Variants in SP140L observed in about 807,000 individuals in gnomAD.
SP140L encodes the protein SP140 like nuclear body protein, also known as nuclear body protein SP140-like protein.
Under a neutral mutation model 84.3 loss-of-function variants are expected in SP140L, and 64 were observed. The ratio of observed to expected loss-of-function variants is 0.76; its 90% CI spans 0.62 to 0.94. SP140L has a LOEUF of 0.94. Among genes scored for constraint, SP140L ranks in the 40% least tolerant of loss-of-function variants. The pLI is 0.00. For missense variants in SP140L, 628 were observed against 692.5 expected (o/e 0.91, Z 1.05); for synonymous variants, 242 against 236.9 (o/e 1.02, Z -0.20).
chr2:230,360,261 A>G (rs1286457123), intron 4 of SP140L, among the ~76,000 whole-genome samples: 1 of 152,218 alleles, frequency 6.6e-6, no homozygotes, highest in Admixed American at 6.5e-5. Flanking sequence ...CAGAGTGAGA[A>G]GCAGTATAGG....
At chr2:230,334,894 A>G (rs2149679575) in intron 2 of SP140L, among the ~76,000 whole-genome samples, 1 of 152,206 alleles carries the variant, frequency 6.6e-6, no homozygotes, top group South Asian at 2.1e-4. Context: ...TTTAGTTCTC[A>G]TGCTGACCTT....
chr2:230,341,807 G>A (rs1298741360), intron 2 of SP140L, among the ~76,000 whole-genome samples: 1 of 152,102 alleles, frequency 6.6e-6, no homozygotes, highest in Non-Finnish European at 1.5e-5. Flanking sequence ...GCTGTTCGGG[G>A]GTCAGGGGTC....
chr2:230,329,946 G>C (rs982610631), intron 2 of SP140L, among the ~76,000 whole-genome samples: 1 of 151,988 alleles, frequency 6.6e-6, no homozygotes. Context: ...TTCATTTCTC[G>C]TTCAATCTTC....
At chr2:230,376,738 A>G (rs2061250537) in intron 7 of SP140L, among the ~76,000 whole-genome samples, 1 of 152,208 alleles carries the variant, frequency 6.6e-6, no homozygotes, top group Non-Finnish European at 1.5e-5. Flanking sequence ...AAATTTGTAT[A>G]GAACCATAAA....
intron 2 of SP140L, among the ~76,000 whole-genome samples, chr2:230,348,419 C>T (rs1314086305): frequency 1.3e-5 from 2 of 152,156 alleles, no homozygotes; most frequent in Non-Finnish European, 2.9e-5. Context: ...TATAGCCATT[C>T]CAATGAATGC....
At chr2:230,382,372 CA>C (rs1227953914) in intron 7 of SP140L, among the ~76,000 whole-genome samples, 1 of 152,066 alleles carries the variant, frequency 6.6e-6, no homozygotes, top group Non-Finnish European at 1.5e-5. Context: ...AGACAGATAT[CA>C]CCAATGCTCC....
At chr2:230,343,580 T>TGC (rs1277064743) in intron 2 of SP140L, among the ~76,000 whole-genome samples, 18 of 120,364 alleles carry the variant, frequency 1.5e-4, no homozygotes, top group East Asian at 4.8e-4. Context: ...ATGATTTATA[T>TGC]TCCTTTGGGT....
intron 2 of SP140L, among the ~76,000 whole-genome samples, chr2:230,340,433 G>A (rs1282911699): frequency 1.3e-5 from 2 of 148,784 alleles, no homozygotes; most frequent in Non-Finnish European, 3.0e-5. Flanking sequence ...GATGGGTCTT[G>A]ACTCTTTATC....
intron 2 of SP140L, among the ~76,000 whole-genome samples, chr2:230,351,810 C>G (rs2060373085): frequency 6.6e-6 from 1 of 152,030 alleles, no homozygotes; most frequent in South Asian, 2.1e-4. Context: ...CCACATCTGG[C>G]TAATTTTTGT....
At chr2:230,380,349 GAC>G (rs1331090096) in intron 7 of SP140L, among the ~76,000 whole-genome samples, 2 of 152,120 alleles carry the variant, frequency 1.3e-5, no homozygotes, top group Non-Finnish European at 2.9e-5. Flanking sequence ...TTTGAGTAGG[GAC>G]ACAGACAAAC....
chr2:230,371,895 G>T, intron 7 of SP140L: 1 of 457,056 alleles, frequency 2.2e-6, no homozygotes. Context: ...GATGATCCTG[G>T]GTTATGTGGT....
intron 2 of SP140L, among the ~76,000 whole-genome samples, chr2:230,352,111 A>G (rs1357738517): frequency 6.6e-6 from 1 of 152,172 alleles, no homozygotes; most frequent in East Asian, 1.9e-4. Context: ...AAATTTTTAT[A>G]GTTCTTATAC....
At chr2:230,371,554 A>T (rs771678212) in intron 6 of SP140L, 44 bp from the exon 7 acceptor site, 1 of 1,468,544 alleles carries the variant, frequency 6.8e-7, no homozygotes, top group African/African-American at 1.4e-5. Flanking sequence ...TATAACTTTT[A>T]TTTATTAATT....
chr2:230,328,391 G>A (rs865809907), intron 1 of SP140L, among the ~76,000 whole-genome samples: 8 of 152,162 alleles, frequency 5.3e-5, no homozygotes, highest in South Asian at 4.1e-4. Context: ...TTGTGTTCTC[G>A]TTTTGTAATA....
intron 2 of SP140L, among the ~76,000 whole-genome samples, chr2:230,340,133 T>C (rs1337923759): frequency 1.3e-5 from 2 of 151,380 alleles, no homozygotes; most frequent in African/African-American, 2.4e-5. Flanking sequence ...TCTAAGTCTC[T>C]TTGTAGGTCA....
At chr2:230,352,533 A>T (rs1012588919) in intron 2 of SP140L, among the ~76,000 whole-genome samples, 32 of 152,218 alleles carry the variant, frequency 2.1e-4, no homozygotes, top group African/African-American at 7.5e-4. Flanking sequence ...GGGGGAATCC[A>T]CCCGCATGAT....
chr2:230,389,829 A>C lies in SP140L; in HGVS notation c.860-90A>C, dbSNP rs2061727938. ...ATTTATGGAATAGAATTTCCTAAGT[A>C]CTCTTTGTGCCTTTATAGGATTTAC... On this transcript the variant is annotated intron_variant, in intron 10 of 18. Transcript: ENST00000415673. The C allele has an allele frequency of 3.2e-6, 4 of 1,233,212 alleles. No individual in the cohort carries two copies. The East Asian group carries it at 9.5e-5, about 29-fold the overall frequency. 76.4% of individuals were successfully genotyped at this position (1,233,212 alleles called of 1,614,324 possible).
At chr2:230,371,231 TAA>T (rs962018995) in intron 6 of SP140L, among the ~76,000 whole-genome samples, 26 of 152,334 alleles carry the variant, frequency 1.7e-4, no homozygotes, top group African/African-American at 5.5e-4. Context: ...ATTAATATGT[TAA>T]GTCACACTCA....
rs1416422843 is a variant in SP140L at position 230,393,461 on chromosome 2, G to T, written c.1155G>T (p.Lys385Asn). Residue 385 changes from lysine (K) to asparagine (N), a missense_variant and splice_region_variant, in exon 13 of 19, where the codon AAG becomes AAT. Transcript: ENST00000415673. ...CAAGAATATATTACAGGAACAAAAAGGTGATTATTACATAATTTTCTACAG... is the reference window on the plus strand; with the variant it reads ...CAAGAATATATTACAGGAACAAAAATGTGATTATTACATAATTTTCTACAG... ...NPPRIYYRNKKRILKSQNNSS... is the reference protein window; with the variant it reads ...NPPRIYYRNKNRILKSQNNSS... 1 of 1,571,104 alleles carries T rather than the reference G, an allele frequency of 6.4e-7. No homozygotes were observed. The highest frequency in any genetic ancestry group is 8.6e-7 in the Non-Finnish European group (1 of 1,161,076).
Sources: gnomAD v4.1 joint callset for allele counts (sites outside exome capture counted in the v4.1 genomes callset) on GRCh38, gnomAD v4.1.1 for gene constraint, MANE v1.5 for transcripts, NCBI Gene and HGNC (gene_info 2026-07-23, HGNC 2026-07-21) for gene names.